The following GABBR2 variants were observed in gnomAD, a reference collection of about 807,000 sequenced individuals.
GABBR2 encodes G-protein coupled receptor 51.
A neutral mutation model predicts 105.6 loss-of-function variants in GABBR2; 23 were observed. The ratio of observed to expected loss-of-function variants is 0.22; its 90% confidence interval spans 0.16 to 0.31. The LOEUF is 0.31. Among genes scored for constraint, GABBR2 ranks in the 10% least tolerant of loss-of-function variants. GABBR2 has a pLI of 1.00. For missense variants in GABBR2, 734 were observed against 1,245.5 expected (o/e 0.59, Z 6.18); for synonymous variants, 478 against 499.7 (o/e 0.96, Z 0.58).
chr9:98,417,260 C>G (rs1832706178), intron 7 of GABBR2, among the ~76,000 whole-genome samples: 1 of 152,182 alleles, frequency 6.6e-6, no homozygotes, highest in East Asian at 1.9e-4. Context: ...AGAATGGACA[C>G]TGGCCAAGAG....
chr9:98,311,675 G>C (rs1830638566), intron 13 of GABBR2, among the ~76,000 whole-genome samples: 1 of 152,214 alleles, frequency 6.6e-6, no homozygotes, highest in Non-Finnish European at 1.5e-5. Context: ...CCCTTCTGAG[G>C]AGACCCTCTT....
chr9:98,347,774 T>C (rs1831325512), intron 13 of GABBR2, among the ~76,000 whole-genome samples: 1 of 152,222 alleles, frequency 6.6e-6, no homozygotes, highest in Admixed American at 6.5e-5. Context: ...GGGGTTGATA[T>C]GGTTTGGTTC....
intron 12 of GABBR2, among the ~76,000 whole-genome samples, chr9:98,370,857 G>A (rs972450131): frequency 1.3e-5 from 2 of 152,112 alleles, no homozygotes; most frequent in Admixed American, 6.5e-5. Context: ...TGGCGAATGC[G>A]GTCCACGGTG....
chr9:98,568,217 C>T (rs1373599942), intron 2 of GABBR2, among the ~76,000 whole-genome samples: 1 of 152,162 alleles, frequency 6.6e-6, no homozygotes, highest in African/African-American at 2.4e-5. Context: ...CCATCCCTCA[C>T]ACACATTATT....
At chr9:98,565,154 AG>A (rs1357965820) in intron 2 of GABBR2, among the ~76,000 whole-genome samples, 1 of 152,174 alleles carries the variant, frequency 6.6e-6, no homozygotes, top group Non-Finnish European at 1.5e-5. Context: ...AGGCCACATC[AG>A]CTCTCTGGGC....
chr9:98,344,561 C>T (rs1831272303), intron 13 of GABBR2, among the ~76,000 whole-genome samples: 1 of 152,126 alleles, frequency 6.6e-6, no homozygotes, highest in South Asian at 2.1e-4. Flanking sequence ...CCCTCACTCT[C>T]CCTTTTCAAA....
chr9:98,644,789 G>A (rs796869522), intron 1 of GABBR2, among the ~76,000 whole-genome samples: 7 of 152,244 alleles, frequency 4.6e-5, no homozygotes, highest in Admixed American at 2.0e-4. Context: ...CCAAGATCAT[G>A]CCACTGCACT....
chr9:98,321,513 C>T (rs747317908), intron 13 of GABBR2, among the ~76,000 whole-genome samples: 34 of 152,212 alleles, frequency 2.2e-4, no homozygotes, highest in Non-Finnish European at 4.6e-4. Flanking sequence ...GGCTGAACCA[C>T]CTCTGTCCTG....
intron 1 of GABBR2, among the ~76,000 whole-genome samples, chr9:98,694,933 C>T (rs1830729780): frequency 6.6e-6 from 1 of 152,202 alleles, no homozygotes; most frequent in South Asian, 2.1e-4. Flanking sequence ...AACTGCCCTG[C>T]CTCTAACCTA....
At chr9:98,336,506 C>T (rs765928596) in intron 13 of GABBR2, among the ~76,000 whole-genome samples, 3 of 152,026 alleles carry the variant, frequency 2.0e-5, no homozygotes, top group African/African-American at 4.8e-5. Context: ...GAGTTTGAGA[C>T]CAGCCTGGCC....
intron 2 of GABBR2, among the ~76,000 whole-genome samples, chr9:98,543,289 T>C (rs1472293556): frequency 1.3e-5 from 2 of 151,960 alleles, no homozygotes; most frequent in Non-Finnish European, 2.9e-5. Context: ...TATCTGGTTA[T>C]AGTTCTAATT....
intron 1 of GABBR2, among the ~76,000 whole-genome samples, chr9:98,583,751 C>T (rs1236404584): frequency 1.3e-5 from 2 of 152,230 alleles, no homozygotes; most frequent in African/African-American, 4.8e-5. Context: ...TCCTTGCAGA[C>T]ACATTGCCAC....
intron 1 of GABBR2, among the ~76,000 whole-genome samples, chr9:98,632,740 A>G (rs1281062364): frequency 6.6e-6 from 1 of 152,230 alleles, no homozygotes; most frequent in African/African-American, 2.4e-5. Context: ...GTCATCATGG[A>G]GCAGGATAAG....
chr9:98,390,910 T>C (rs1334905788), intron 9 of GABBR2, among the ~76,000 whole-genome samples: 1 of 152,228 alleles, frequency 6.6e-6, no homozygotes, highest in African/African-American at 2.4e-5. Flanking sequence ...CTCCTTCTTC[T>C]GTTCCTGCAA....
At chr9:98,505,335 T>A (rs1269539964) in intron 3 of GABBR2, among the ~76,000 whole-genome samples, 3 of 152,190 alleles carry the variant, frequency 2.0e-5, no homozygotes, top group African/African-American at 7.2e-5. Flanking sequence ...AAAGGGCAAG[T>A]GTGTAACTGA....
chr9:98,321,300 C>A (rs934612511), intron 13 of GABBR2, among the ~76,000 whole-genome samples: 2 of 152,156 alleles, frequency 1.3e-5, no homozygotes, highest in Non-Finnish European at 2.9e-5. Context: ...AAATCCCTTC[C>A]CCTCAGAGGC....
At chr9:98,297,488 C>T (rs1588086277) in intron 17 of GABBR2, among the ~76,000 whole-genome samples, 1 of 151,860 alleles carries the variant, frequency 6.6e-6, no homozygotes, top group East Asian at 1.9e-4. Context: ...TGGCAGGCAC[C>T]TGTAATCCCA....
chr9:98,437,186 T>C (rs1825942028), intron 7 of GABBR2, among the ~76,000 whole-genome samples: 1 of 152,152 alleles, frequency 6.6e-6, no homozygotes, highest in Admixed American at 6.5e-5. Flanking sequence ...ATCAGGGCCA[T>C]TGCCTCTGAA....
intron 7 of GABBR2, among the ~76,000 whole-genome samples, chr9:98,410,320 G>A (rs80024556): frequency 0.014 from 2,165 of 152,134 alleles, 24 homozygotes; most frequent in Non-Finnish European, 0.024. Flanking sequence ...AACTCTGGCC[G>A]GGGTGGGGGC....
Sources: allele counts gnomAD v4.1 joint callset (sites outside exome capture counted in the v4.1 genomes callset), GRCh38; gene constraint gnomAD v4.1.1; transcripts MANE v1.5; gene names NCBI Gene and HGNC (gene_info 2026-07-23, HGNC 2026-07-21).